Variants in MED26 observed in about 807,000 individuals in gnomAD.
The protein encoded by MED26 is mediator of RNA polymerase II transcription subunit 26.
In MED26, 7 loss-of-function variants were observed where a neutral mutation model predicts 43.7. The observed-to-expected ratio is 0.16, with a 90% confidence interval of 0.09 to 0.30. The LOEUF (loss-of-function observed/expected upper bound fraction) is 0.30. Among genes scored for constraint, MED26 ranks in the 10% least tolerant of loss-of-function variants. The pLI is 1.00. For synonymous variants in MED26, 375 were observed against 371.1 expected (o/e 1.01, Z -0.12); for missense variants, 784 against 840.6 (o/e 0.93, Z 0.83).
At chr19:16,580,728 C>T (rs1364512795) in intron 1 of MED26, among the ~76,000 whole-genome samples, 3 of 152,056 alleles carry the variant, frequency 2.0e-5, no homozygotes, top group Non-Finnish European at 2.9e-5. Context: ...GGTTGTCATC[C>T]GAAGCCATTC....
intron 1 of MED26, among the ~76,000 whole-genome samples, chr19:16,626,152 C>T (rs1002257051): frequency 1.3e-5 from 2 of 152,114 alleles, no homozygotes; most frequent in South Asian, 2.1e-4. Flanking sequence ...ACACTGTGAT[C>T]GCCTGTCAAA....
Position 16,628,000 on chromosome 19 carries a change from G to A in MED26, c.-57C>T, listed in dbSNP as rs2086291181. The stretch of plus-strand genomic sequence containing the variant: ...CCAGCGGGCGGGCGGGCTGAGGCGG[G>A]GGACGGGGGTCACTCACTCGCCGGC... On this transcript the variant is annotated 5_prime_UTR_variant, in exon 1 of 3. Transcript: ENST00000263390. 3 of 1,163,480 alleles carry A rather than the reference G, an allele frequency of 2.6e-6. No individual in the cohort carries two copies. Among genetic ancestry groups the A allele is most frequent in the African/African-American group, 1.6e-5 (1 of 62,670 alleles). The allele number at this position is 1,163,480 out of a possible 1,614,324, so 72.1% of individuals were successfully genotyped here.
In MED26 at chr19:16,576,011, G is replaced by A; in HGVS notation, c.*16C>T. ...CTTCTGCAAGATGGGAATGCACTTT[G>A]TGGCTGACAGGCCGGTCAGTCCAAG... On this transcript the variant is annotated 3_prime_UTR_variant, in exon 3 of 3. Transcript: ENST00000263390. This position sits in a 1 kb window ranked among gnomAD's most constrained non-coding sequence, Gnocchi z 6.8. 6.3e-7 allele frequency: 1 copy of A among 1,598,038 alleles called. No homozygotes were observed. The highest frequency in any genetic ancestry group is 1.7e-5 in the Admixed American group (1 of 59,592).
At chr19:16,624,535 C>T (rs1469323767) in intron 1 of MED26, 1 of 152,232 alleles carries the variant, frequency 6.6e-6, no homozygotes, top group Non-Finnish European at 1.5e-5. Flanking sequence ...GCTAGCAAGC[C>T]CTGCCCTGTG....
At chr19:16,615,793 C>T (rs1352169607) in intron 1 of MED26, among the ~76,000 whole-genome samples, 1 of 151,992 alleles carries the variant, frequency 6.6e-6, no homozygotes, top group Non-Finnish European at 1.5e-5. Flanking sequence ...TCACCTCAGA[C>T]CAGCCAAGCC....
chr19:16,594,970 C>T (rs1430596303), intron 1 of MED26, among the ~76,000 whole-genome samples: 1 of 152,166 alleles, frequency 6.6e-6, no homozygotes, highest in East Asian at 1.9e-4. Context: ...CAGAGCAGTT[C>T]CTCGAATCCA....
intron 1 of MED26, among the ~76,000 whole-genome samples, chr19:16,603,769 G>A (rs1303900092): frequency 6.6e-6 from 1 of 152,166 alleles, no homozygotes; most frequent in Non-Finnish European, 1.5e-5. Context: ...GACCAGGGGA[G>A]CTAGGGCATT....
intron 1 of MED26, among the ~76,000 whole-genome samples, chr19:16,598,256 GA>G (rs1198569838): frequency 1.4e-5 from 2 of 141,442 alleles, no homozygotes; most frequent in Non-Finnish European, 3.0e-5. Context: ...AGAATGGCTT[GA>G]ATCCGGGAGG....
chr19:16,616,067 A>G (rs1314707104), intron 1 of MED26, among the ~76,000 whole-genome samples: 1 of 152,134 alleles, frequency 6.6e-6, no homozygotes, highest in Non-Finnish European at 1.5e-5. Flanking sequence ...TGGACTGGAG[A>G]GAGGAAGGGG....
At chr19:16,580,329 C>A (rs1243663125) in intron 1 of MED26, among the ~76,000 whole-genome samples, 2 of 151,942 alleles carry the variant, frequency 1.3e-5, no homozygotes, top group Admixed American at 6.6e-5. Flanking sequence ...CTAGAGGATC[C>A]ATTTCCTGCT....
intron 1 of MED26, chr19:16,624,402 T>C (rs2086264420): frequency 6.6e-6 from 1 of 152,278 alleles, no homozygotes; most frequent in Non-Finnish European, 1.5e-5. Context: ...CCAAGGACGT[T>C]TCCCGCTCAG....
At chr19:16,592,768 C>T (rs914953902) in intron 1 of MED26, among the ~76,000 whole-genome samples, 1 of 152,198 alleles carries the variant, frequency 6.6e-6, no homozygotes, top group Non-Finnish European at 1.5e-5. Context: ...GTAGCTTCTG[C>T]GGGCTGGACC....
chr19:16,603,568 T>C (rs2086159460), intron 1 of MED26, among the ~76,000 whole-genome samples: 1 of 152,120 alleles, frequency 6.6e-6, no homozygotes, highest in Non-Finnish European at 1.5e-5. Context: ...GCAGGAGCTA[T>C]GGGAAGATCC....
intron 1 of MED26, among the ~76,000 whole-genome samples, chr19:16,595,936 AT>A: frequency 6.6e-6 from 1 of 152,188 alleles, no homozygotes; most frequent in Non-Finnish European, 1.5e-5. Flanking sequence ...TTCCTTAGGA[AT>A]CAATTCCCAG....
At chr19:16,619,185 A>C (rs2086239623) in intron 1 of MED26, among the ~76,000 whole-genome samples, 1 of 152,222 alleles carries the variant, frequency 6.6e-6, no homozygotes, top group African/African-American at 2.4e-5. Flanking sequence ...CAAAAGGATA[A>C]AACTGTTCTT....
intron 1 of MED26, chr19:16,611,471 C>T (rs1267868498): frequency 3.9e-5 from 6 of 152,156 alleles, no homozygotes; most frequent in South Asian, 2.1e-4. Context: ...ACTCCACAGC[C>T]GATTGCTCTC....
chr19:16,611,747 G>T (rs1168518545), intron 1 of MED26: 1 of 152,040 alleles, frequency 6.6e-6, no homozygotes, highest in Middle Eastern at 3.4e-3. Flanking sequence ...TCACGCTTTC[G>T]GCTATAGGCT....
At chr19:16,608,716 C>T (rs559599779) in intron 1 of MED26, among the ~76,000 whole-genome samples, 1 of 152,224 alleles carries the variant, frequency 6.6e-6, no homozygotes, top group East Asian at 1.9e-4. Flanking sequence ...CTCATTCACT[C>T]ACATACTGTC....
intron 1 of MED26, among the ~76,000 whole-genome samples, chr19:16,591,659 C>A (rs190853192): frequency 6.6e-6 from 1 of 152,194 alleles, no homozygotes; most frequent in Admixed American, 6.5e-5. Flanking sequence ...ACTTCCTACA[C>A]TCGAGAAAAG....
Sources: allele counts gnomAD v4.1 joint callset (sites outside exome capture counted in the v4.1 genomes callset), GRCh38; gene constraint gnomAD v4.1.1; non-coding constraint Gnocchi (gnomAD v3.1); transcripts MANE v1.5; gene names NCBI Gene and HGNC (gene_info 2026-07-23, HGNC 2026-07-21).